The following PTPN4 variants were observed in gnomAD, a reference collection of about 807,000 sequenced individuals.
PTPN4 encodes the protein protein tyrosine phosphatase non-receptor type 4, also known as tyrosine-protein phosphatase non-receptor type 4.
A neutral mutation model predicts 135.5 loss-of-function variants in PTPN4; 49 were observed. The ratio of observed to expected loss-of-function variants is 0.36; its 90% confidence interval spans 0.29 to 0.46. The LOEUF (loss-of-function observed/expected upper bound fraction) is 0.46. Among genes scored for constraint, PTPN4 ranks in the 20% least tolerant of loss-of-function variants. PTPN4 has a pLI of 1.00. For synonymous variants in PTPN4, 333 were observed against 369.9 expected, an observed-to-expected ratio of 0.90 and a Z score of 1.14; for missense variants, 860 against 1,101.0, an observed-to-expected ratio of 0.78 and a Z score of 3.10.
chr2:119,924,488 T>C (rs1354406076), intron 12 of PTPN4, among the ~76,000 whole-genome samples: 1 of 152,122 alleles, frequency 6.6e-6, no homozygotes, highest in Non-Finnish European at 1.5e-5. Context: ...ATTTTTTTGT[T>C]CTTTTTATAT....
intron 1 of PTPN4, among the ~76,000 whole-genome samples, chr2:119,800,974 G>A (rs995110491): frequency 2.0e-5 from 3 of 151,638 alleles, no homozygotes; most frequent in Admixed American, 1.3e-4. Context: ...ATAAAATCTG[G>A]GAGAGGGATT....
chr2:119,873,790 T>C (rs1217661161), intron 3 of PTPN4, among the ~76,000 whole-genome samples: 1 of 152,174 alleles, frequency 6.6e-6, no homozygotes, highest in African/African-American at 2.4e-5. Context: ...AGCACAGTAA[T>C]CCAGCTAGTA....
At chr2:119,791,912 T>C (rs190334830) in intron 1 of PTPN4, among the ~76,000 whole-genome samples, 21 of 152,338 alleles carry the variant, frequency 1.4e-4, no homozygotes, top group Admixed American at 7.8e-4. Context: ...TCTCGGACTT[T>C]TATTGTGACT....
At chr2:119,807,685 A>G (rs12987609) in intron 1 of PTPN4, among the ~76,000 whole-genome samples, 6,288 of 152,316 alleles carry the variant, frequency 0.041, 175 homozygotes, top group Non-Finnish European at 0.063. Context: ...AAACTATTCC[A>G]ATCAATAGAA....
intron 1 of PTPN4, among the ~76,000 whole-genome samples, chr2:119,772,727 C>T (rs866548051): frequency 1.3e-5 from 2 of 151,988 alleles, no homozygotes; most frequent in African/African-American, 2.4e-5. Flanking sequence ...TTGGTAGAGA[C>T]GGGGTTTCAC....
chr2:119,920,113 C>T lies in PTPN4; in HGVS notation c.873C>T (p.Tyr291=). 1.9e-6 allele frequency: 3 copies of T among 1,612,732 alleles called. No individual in the cohort carries two copies. The highest frequency in any genetic ancestry group is 1.1e-5 in the South Asian group (1 of 90,648). ...TATTGGGATTTAATATGGTGAATTA[C>T]AGAGCATGTAAAAATTTGTGGAAAG... The part of the protein sequence containing the change: ...ETLLGFNMVN[Y]RACKNLWKAC... The change falls in exon 12 of 27, where the codon TAC becomes TAT. Residue 291 remains tyrosine (Y), a synonymous_variant. Coordinates refer to ENST00000263708, the MANE Select transcript of PTPN4 (RefSeq NM_002830.4).
chr2:119,856,042 G>A (rs1677673726), intron 2 of PTPN4, among the ~76,000 whole-genome samples: 1 of 151,958 alleles, frequency 6.6e-6, no homozygotes, highest in South Asian at 2.1e-4. Context: ...CTGACCTTGT[G>A]ATCTGCCCAC....
chr2:119,841,170 T>C (rs1290554575), intron 2 of PTPN4, among the ~76,000 whole-genome samples: 1 of 152,172 alleles, frequency 6.6e-6, no homozygotes, highest in East Asian at 1.9e-4. Context: ...GCCCACCAGA[T>C]CATAATTTTA....
chr2:119,820,106 C>T (rs1677043772), intron 2 of PTPN4, among the ~76,000 whole-genome samples: 1 of 152,192 alleles, frequency 6.6e-6, no homozygotes, highest in Non-Finnish European at 1.5e-5. Context: ...AGTGATCCTC[C>T]CACCTCGACC....
chr2:119,955,944 TAATAAATAAATAAATAAATAAATA>T (rs200278968), intron 20 of PTPN4, among the ~76,000 whole-genome samples: 2 of 148,746 alleles, frequency 1.3e-5, no homozygotes, highest in African/African-American at 2.5e-5. Context: ...CTCAAAAAAA[TAATAAATAAATAAATAAATAAATA>T]AATAAATAAA....
intron 20 of PTPN4, among the ~76,000 whole-genome samples, chr2:119,956,259 T>TTC (rs1206608732): frequency 7.0e-6 from 1 of 142,206 alleles, no homozygotes. Flanking sequence ...TTTTTTTTTT[T>TTC]TGAGAAGCGG....
intron 13 of PTPN4, among the ~76,000 whole-genome samples, chr2:119,930,851 A>G (rs1678895096): frequency 6.6e-6 from 1 of 151,338 alleles, no homozygotes; most frequent in South Asian, 2.1e-4. Context: ...TTAGCCATAC[A>G]GAAGTGTATA....
At chr2:119,866,353 GT>G in intron 3 of PTPN4, among the ~76,000 whole-genome samples, 1 of 152,102 alleles carries the variant, frequency 6.6e-6, no homozygotes, top group East Asian at 1.9e-4. Context: ...TCTTCTGGTA[GT>G]TTTTGTTGGT....
At chr2:119,791,972 T>C (rs1365421336) in intron 1 of PTPN4, among the ~76,000 whole-genome samples, 1 of 152,160 alleles carries the variant, frequency 6.6e-6, no homozygotes, top group African/African-American at 2.4e-5. Context: ...CTGTTCGTGT[T>C]TTTTTGTTTT....
chr2:119,956,856 A>G lies in PTPN4; in HGVS notation c.1993A>G (p.Lys665Glu). ...VLTQFDQLYR[K>E]KPGMTMSCAK... ...TTTTTTTTTTTAGCAACTGTATCGGAAAAAACCTGGAATGACAATGTCCTG... is the reference window on the plus strand; with the variant it reads ...TTTTTTTTTTTAGCAACTGTATCGGGAAAAACCTGGAATGACAATGTCCTG... Residue 665 changes from lysine (K) to glutamate (E), a missense_variant, in exon 21 of 27, where the codon AAA becomes GAA. By Grantham distance (56) the Lys-to-Glu change is moderately conservative (BLOSUM62 1). Around this residue, in one of 2 missense-constraint regions of PTPN4, gnomAD observed 684 missense variants for 807.0 expected, o/e 0.85. Transcript: ENST00000263708. 1 of 1,587,930 alleles carries G rather than the reference A, an allele frequency of 6.3e-7. No individual in the cohort carries two copies. Among genetic ancestry groups the G allele is most frequent in the Non-Finnish European group, 8.5e-7 (1 of 1,173,344 alleles).
At chr2:119,804,420 C>A (rs1278419084) in intron 1 of PTPN4, among the ~76,000 whole-genome samples, 5 of 152,156 alleles carry the variant, frequency 3.3e-5, no homozygotes, top group African/African-American at 1.2e-4. Context: ...CTAATACCAT[C>A]CCTCTCCCTG....
chr2:119,787,095 A>C lies in PTPN4; in HGVS notation c.-17-22742A>C, dbSNP rs1691060743. ...GGTGTGTAGGTGTGTGTGGGTGCAC[A>C]CGTGTGCATGTGTGTGCATGGTGGT... is the stretch of plus-strand genomic sequence containing the variant. On this transcript the variant is annotated intron_variant, in intron 1 of 26. Coordinates refer to ENST00000263708, the MANE Select transcript of PTPN4 (RefSeq NM_002830.4). Among the ~76,000 whole-genome samples the C allele has an allele frequency of 2.0e-5, 3 of 152,144 alleles. No homozygotes were observed. The South Asian group carries it at 6.2e-4, about 32-fold the overall frequency.
At chr2:119,777,743 C>T (rs552547621) in intron 1 of PTPN4, among the ~76,000 whole-genome samples, 15 of 152,306 alleles carry the variant, frequency 9.8e-5, no homozygotes, top group African/African-American at 3.1e-4. Flanking sequence ...CGGTCTCAAC[C>T]TCCTAGCCTC....
At chr2:119,795,281 G>A (rs747445971) in intron 1 of PTPN4, among the ~76,000 whole-genome samples, 1 of 152,204 alleles carries the variant, frequency 6.6e-6, no homozygotes, top group African/African-American at 2.4e-5. Flanking sequence ...CAGGCTTCAG[G>A]CTCTCTGTGG....
Sources: allele counts gnomAD v4.1 joint callset (sites outside exome capture counted in the v4.1 genomes callset), GRCh38; gene constraint gnomAD v4.1.1; regional missense constraint gnomAD v4.1.1; transcripts MANE v1.5; gene names NCBI Gene and HGNC (gene_info 2026-07-23, HGNC 2026-07-21).